Variants in ELP1 observed in about 807,000 individuals in gnomAD.
ELP1 encodes the protein elongator complex protein 1.
ELP1 carries 131 observed loss-of-function variants against 183.2 expected under a neutral mutation model. The observed-to-expected ratio is 0.72, with a 90% CI of 0.62 to 0.83. The LOEUF (loss-of-function observed/expected upper bound fraction) is 0.83, where lower values mean the gene tolerates loss of function less well. ELP1 is among the 40% of genes least tolerant of loss of function. ELP1 has a pLI of 0.00. For synonymous variants in ELP1, 555 were observed against 569.0 expected (o/e 0.98, Z 0.35); for missense variants, 1,550 against 1,594.9 (o/e 0.97, Z 0.48).
At chr9:108,898,458 G>A in intron 22 of ELP1, 44 bp downstream of exon 22, 1 of 1,224,502 alleles carries the variant, frequency 8.2e-7, no homozygotes, top group Non-Finnish European at 1.2e-6. Flanking sequence ...CAAGAAGAGA[G>A]AAAACTATGG....
At chr9:108,926,707 A>G (rs913879949) in intron 4 of ELP1, 104 bp from the exon 5 acceptor site, 2 of 793,950 alleles carry the variant, frequency 2.5e-6, no homozygotes, top group Non-Finnish European at 4.2e-6. Context: ...TAGTCTGAAC[A>G]GAGCAGACAG....
Position 108,877,543 on chromosome 9 carries a change from G to A in ELP1, c.3855+452C>T, listed in dbSNP as rs562402741. Among the ~76,000 whole-genome samples, 8 of 152,226 alleles carry A rather than the reference G, an allele frequency of 5.3e-5. No individual in the cohort carries two copies. The East Asian group carries it at 1.4e-3, about 26-fold the overall frequency. On this transcript the variant is annotated intron_variant, in intron 35 of 36. Coordinates refer to ENST00000374647, the MANE Select transcript of ELP1 (RefSeq NM_003640.5). ...GCTGATTCAGCCTTAAACACAACCC[G>A]CAAAGTCCATCATAACAACATAGAA...
chr9:108,875,223 T>A (rs989627413), intron 35 of ELP1, among the ~76,000 whole-genome samples: 4 of 152,306 alleles, frequency 2.6e-5, no homozygotes, highest in African/African-American at 9.6e-5. Context: ...AACGAAACTC[T>A]ACAGTGATAT....
chr9:108,923,111 T>C (rs556289749), intron 5 of ELP1, among the ~76,000 whole-genome samples, 184 bp from the exon 6 acceptor site: 1 of 152,372 alleles, frequency 6.6e-6, no homozygotes, highest in Admixed American at 6.5e-5. Context: ...GGCTCATGCC[T>C]ATAGTCCCAA....
At chr9:108,881,658 C>G in intron 31 of ELP1, 47 bp downstream of exon 31, 1 of 1,181,066 alleles carries the variant, frequency 8.5e-7, no homozygotes, top group Non-Finnish European at 1.3e-6. Context: ...TCTCTCTCTC[C>G]TCACCTTCTT....
At chr9:108,881,613 TAAG>T in intron 31 of ELP1, 89 bp downstream of exon 31, 4 of 806,770 alleles carry the variant, frequency 5.0e-6, no homozygotes, top group Non-Finnish European at 6.5e-6. Flanking sequence ...GACATATTAT[TAAG>T]AAAACACAGT....
chr9:108,927,148 G>C (rs1227987329), intron 4 of ELP1, among the ~76,000 whole-genome samples: 3 of 151,924 alleles, frequency 2.0e-5, no homozygotes, highest in East Asian at 3.9e-4. Flanking sequence ...TTTTTATAAT[G>C]ATAGACTAAG....
intron 2 of ELP1, among the ~76,000 whole-genome samples, chr9:108,930,747 TA>T (rs769070127): frequency 7.3e-4 from 105 of 143,050 alleles, no homozygotes; most frequent in Middle Eastern, 3.7e-3. Context: ...ACAAAGAGGG[TA>T]AAAAGTACGG....
Position 108,882,105 on chromosome 9 carries a change from AGG to A in ELP1, c.3285+18_3285+19del. 6.2e-7 allele frequency: 1 copy of A among 1,607,984 alleles called. No homozygotes were observed. Among genetic ancestry groups the A allele is most frequent in the Non-Finnish European group, 8.5e-7 (1 of 1,174,936 alleles). Reference sequence around the variant, plus strand: ...TCTCTGCTTAGCACCCAACATCCAGAGGATTTACAAGATTCTTACCAGCCTCA... The same window carrying A: ...TCTCTGCTTAGCACCCAACATCCAGAATTTACAAGATTCTTACCAGCCTCA... On this transcript the variant is annotated intron_variant, in intron 30 of 36. Transcript: ENST00000374647.
chr9:108,929,151 A>C (rs1311651975), intron 3 of ELP1, among the ~76,000 whole-genome samples: 1 of 152,288 alleles, frequency 6.6e-6, no homozygotes, highest in African/African-American at 2.4e-5. Flanking sequence ...AATGTTAAGG[A>C]GATCACAACT....
chr9:108,872,794 G>T (rs1827516696), intron 36 of ELP1, among the ~76,000 whole-genome samples: 2 of 93,254 alleles, frequency 2.1e-5, no homozygotes. Context: ...CACAGAGCAA[G>T]ACTCTGTCTG....
rs754549877 is a variant in ELP1, at chr9:108,929,777, T to G, written c.295A>C (p.Thr99Pro). The change falls in exon 3 of 37, where the codon ACA becomes CCA. Residue 99 changes from threonine (T) to proline (P), a missense_variant. Transcript: ENST00000374647. Reference protein sequence around the residue: ...SGDVILCSLSTQQLECVGSVA... With the variant: ...SGDVILCSLSPQQLECVGSVA... Reference sequence around the variant, plus strand: ...TGGAGTCTTCCACTTACCTGTTGTGTGCTGAGACTGCAGAGTATGACGTCT... The same window carrying G: ...TGGAGTCTTCCACTTACCTGTTGTGGGCTGAGACTGCAGAGTATGACGTCT... The G allele has an allele frequency of 6.2e-7, 1 of 1,614,072 alleles. No homozygotes were observed.
intron 36 of ELP1, among the ~76,000 whole-genome samples, chr9:108,869,845 A>G (rs2118908954): frequency 6.6e-6 from 1 of 152,330 alleles, no homozygotes; most frequent in Admixed American, 6.5e-5. Flanking sequence ...CTTTTTCAGC[A>G]TTATTTATGA....
At chr9:108,917,401 A>C in intron 9 of ELP1, 146 bp downstream of exon 9, 1 of 721,654 alleles carries the variant, frequency 1.4e-6, no homozygotes, top group Non-Finnish European at 2.3e-6. Context: ...TAGGAGGCGG[A>C]GGTTGCAGTG....
chr9:108,898,819 T>A (rs940192642), intron 20 of ELP1, 70 bp from the exon 21 acceptor site: 209 of 1,008,966 alleles, frequency 2.1e-4, no homozygotes, highest in Non-Finnish European at 2.8e-4. Flanking sequence ...CAGCATATTT[T>A]CATTATGATA....
At chr9:108,873,702 G>A (rs1442418840) in intron 36 of ELP1, among the ~76,000 whole-genome samples, 2 of 152,124 alleles carry the variant, frequency 1.3e-5, no homozygotes, top group Non-Finnish European at 2.9e-5. Context: ...AATGGCCTCA[G>A]GTCTAATGTA....
intron 36 of ELP1, among the ~76,000 whole-genome samples, chr9:108,874,511 GCCC>G (rs1396510886): frequency 1.3e-5 from 2 of 152,098 alleles, no homozygotes; most frequent in Non-Finnish European, 2.9e-5. Flanking sequence ...TTATGAAAAT[GCCC>G]CCAAGATGCA....
In ELP1 at chr9:108,891,217, C is replaced by A; in HGVS notation, c.3146G>T (p.Gly1049Val). Residue 1049 changes from glycine to valine, a missense_variant, in exon 28 of 37, where the codon GGC becomes GTC. Physicochemically the swap from Gly to Val is moderately radical, Grantham distance 109. Coordinates refer to ENST00000374647, the MANE Select transcript of ELP1 (RefSeq NM_003640.5). Reference sequence around the variant, plus strand: ...ATTGTACTTACCTGCCAGAGTTCTGCCGAGGCCCACCAGCTGGTCTTTGGT... The same window carrying A: ...ATTGTACTTACCTGCCAGAGTTCTGACGAGGCCCACCAGCTGGTCTTTGGT... ...NFTKDQLVGL[G>V]RTLAGKLVEQ... 3.1e-6 allele frequency: 5 copies of A among 1,614,182 alleles called. No homozygotes were observed. Among genetic ancestry groups the A allele is most frequent in the Non-Finnish European group, 4.2e-6 (5 of 1,180,024 alleles).
chr9:108,924,069 C>T (rs1287825222), intron 5 of ELP1, among the ~76,000 whole-genome samples: 1 of 152,182 alleles, frequency 6.6e-6, no homozygotes, highest in Admixed American at 6.5e-5. Context: ...CCCCAGGCTT[C>T]TATCTGCAAG....
Sources: allele counts gnomAD v4.1 joint callset (sites outside exome capture counted in the v4.1 genomes callset), GRCh38; gene constraint gnomAD v4.1.1; transcripts MANE v1.5; gene names NCBI Gene and HGNC (gene_info 2026-07-23, HGNC 2026-07-21).